The following SLC38A8 variants were observed in gnomAD, a reference collection of about 807,000 sequenced individuals.
SLC38A8 encodes the protein amino acid transporter SLC38A8.
A neutral mutation model predicts 46.0 loss-of-function variants in SLC38A8; 65 were observed. That is an observed-to-expected ratio of 1.41 (90% CI 1.16 to 1.74). SLC38A8 has a LOEUF of 1.74. Ranked by LOEUF, SLC38A8 falls within the 40% of genes most tolerant of loss-of-function variation. SLC38A8 has a pLI of 0.00. For synonymous variants in SLC38A8, 447 were observed against 243.7 expected (o/e 1.83, Z -7.77); for missense variants, 998 against 567.9 (o/e 1.76, Z -7.70).
chr16:84,031,606 A>G (rs1005548275), intron 5 of SLC38A8, among the ~76,000 whole-genome samples: 2 of 152,162 alleles, frequency 1.3e-5, no homozygotes, highest in Non-Finnish European at 2.9e-5. Flanking sequence ...GCAATAACCT[A>G]TGACCCCTAG....
Position 84,016,715 on chromosome 16 carries a change from C to A in SLC38A8, c.966G>T (p.Gln322His), listed in dbSNP as rs758105316. The change falls in exon 9 of 11, where the codon CAG (glutamine) becomes CAT (histidine). Residue 322 changes from glutamine to histidine, a missense_variant. By Grantham distance (24) the Gln-to-His change is conservative (BLOSUM62 0). Coordinates refer to ENST00000299709, the MANE Select transcript of SLC38A8 (RefSeq NM_001080442.3). ...CCAAGCAGCTCCTCCTCCAGAAGTC[C>A]TGCATCACTGACCTGGAGGCCACAG... ...IVLFLGRSVM[Q>H]DFWRRSCLGG... The A allele has an allele frequency of 1.2e-6, 2 of 1,612,418 alleles. No individual in the cohort carries two copies. Among genetic ancestry groups the A allele is most frequent in the African/African-American group, 2.7e-5 (2 of 74,900 alleles).
rs778761900 is a variant in SLC38A8 at position 84,036,860 on chromosome 16, C to A, written c.230G>T (p.Gly77Val). 1.2e-6 allele frequency: 2 copies of A among 1,613,430 alleles called. No individual in the cohort carries two copies. The highest frequency in any genetic ancestry group is 1.7e-5 in the Admixed American group (1 of 60,014). ...CTGGCCACTGACAGCAGCAGCATAG[C>A]CCAGGATGACCAGCCCGCTGATCAG... ...VFLISGLVILGYAAAVSGQAT... is the reference protein window; with the variant it reads ...VFLISGLVILVYAAAVSGQAT... The change falls in exon 3 of 11, where the codon GGC (glycine) becomes GTC (valine). Residue 77 changes from glycine to valine, a missense_variant. Transcript: ENST00000299709.
intron 6 of SLC38A8, among the ~76,000 whole-genome samples, chr16:84,026,365 T>G (rs2085164610): frequency 6.6e-6 from 1 of 152,194 alleles, no homozygotes; most frequent in African/African-American, 2.4e-5. Flanking sequence ...TAGCTGGGAT[T>G]ACAGGCCCGC....
chr16:84,023,049 A>G (rs1040748265), intron 6 of SLC38A8, among the ~76,000 whole-genome samples, 160 bp from the exon 7 acceptor site: 13 of 152,164 alleles, frequency 8.5e-5, no homozygotes, highest in African/African-American at 2.9e-4. Flanking sequence ...GTACACCCCC[A>G]ACCCCTCTTT....
chr16:84,016,432 G>T (rs12929392), intron 9 of SLC38A8, 87 bp downstream of exon 9: 2 of 1,478,350 alleles, frequency 1.4e-6, no homozygotes, highest in Non-Finnish European at 1.8e-6. Context: ...CCACCTTCCA[G>T]AACCTTGACC....
intron 2 of SLC38A8, 134 bp from the exon 3 acceptor site, chr16:84,037,034 G>C: frequency 1.2e-6 from 1 of 868,348 alleles, no homozygotes; most frequent in East Asian, 2.7e-5. Flanking sequence ...CATGGGGTTG[G>C]CAGTCTACCA....
chr16:84,019,951 G>A (rs767461045), intron 7 of SLC38A8, among the ~76,000 whole-genome samples: 1 of 152,232 alleles, frequency 6.6e-6, no homozygotes, highest in Non-Finnish European at 1.5e-5. Context: ...GCTTTGCCGG[G>A]TACAGCCCAC....
Position 84,022,842 on chromosome 16 carries a change from G to T in SLC38A8, c.738C>A (p.Ser246Arg). 1 of 1,612,144 alleles carries T rather than the reference G, an allele frequency of 6.2e-7. No homozygotes were observed. Among genetic ancestry groups the T allele is most frequent in the Non-Finnish European group, 8.5e-7 (1 of 1,179,260 alleles). ...CAGACACCAGGGCCCAGTGGGAGAG[G>T]CTCCGTTTGCGCATGCTGCAGTAGA... The part of the protein sequence containing the change: ...VSIYCSMRKR[S>R]LSHWALVSVL... Residue 246 changes from serine (S) to arginine (R), a missense_variant, in exon 7 of 11, where the codon AGC becomes AGA. Transcript: ENST00000299709.
intron 7 of SLC38A8, 70 bp from the exon 8 acceptor site, chr16:84,017,357 C>T: frequency 1.3e-6 from 2 of 1,568,038 alleles, no homozygotes; most frequent in Non-Finnish European, 1.7e-6. Flanking sequence ...CACCAACAGA[C>T]AGACAGCGCC....
chr16:84,038,344 G>C (rs1015989805), intron 2 of SLC38A8, among the ~76,000 whole-genome samples: 4 of 151,842 alleles, frequency 2.6e-5, no homozygotes, highest in South Asian at 2.1e-4. Context: ...CAGGAAAGTT[G>C]CAAGAACGTT....
intron 6 of SLC38A8, among the ~76,000 whole-genome samples, chr16:84,024,775 C>T (rs1017432272): frequency 6.6e-6 from 1 of 152,096 alleles, no homozygotes; most frequent in Non-Finnish European, 1.5e-5. Flanking sequence ...CCGCAACCTC[C>T]GCCTCCCGGG....
At chr16:84,041,901 G>A (rs2085371064) in intron 2 of SLC38A8, 68 bp downstream of exon 2, 2 of 1,424,216 alleles carry the variant, frequency 1.4e-6, no homozygotes, top group Admixed American at 2.3e-5. Context: ...AGCAATGCGA[G>A]GAACCCCACC....
intron 7 of SLC38A8, among the ~76,000 whole-genome samples, chr16:84,018,196 G>A (rs994404528): frequency 1.3e-5 from 2 of 149,528 alleles, no homozygotes; most frequent in African/African-American, 5.0e-5. Context: ...TGTATAGCAA[G>A]GATGAGCTCT....
intron 7 of SLC38A8, among the ~76,000 whole-genome samples, chr16:84,020,650 G>C (rs890031396): frequency 3.9e-5 from 6 of 152,228 alleles, no homozygotes; most frequent in African/African-American, 1.2e-4. Flanking sequence ...CCCGGGAGCA[G>C]AGACGTGAGG....
intron 5 of SLC38A8, among the ~76,000 whole-genome samples, chr16:84,030,129 A>G (rs1874442346): frequency 6.6e-6 from 1 of 152,134 alleles, no homozygotes; most frequent in Non-Finnish European, 1.5e-5. Context: ...GGAAGGGAAA[A>G]CAGACAGAGA....
intron 7 of SLC38A8, among the ~76,000 whole-genome samples, chr16:84,021,889 G>T (rs758257105): frequency 5.9e-5 from 9 of 152,252 alleles, no homozygotes; most frequent in Non-Finnish European, 1.0e-4. Context: ...CCCTGAAGTG[G>T]CGCGCAGAGT....
chr16:84,031,470 C>T (rs907042), intron 5 of SLC38A8, among the ~76,000 whole-genome samples: 1,759 of 152,328 alleles, frequency 0.012, 68 homozygotes, highest in Admixed American at 0.07. Flanking sequence ...ACGACATCCC[C>T]GCCCATGCTC....
chr16:84,028,527 A>G (rs1233432690), intron 6 of SLC38A8, among the ~76,000 whole-genome samples: 5 of 149,894 alleles, frequency 3.3e-5, no homozygotes, highest in African/African-American at 1.2e-4. Flanking sequence ...GATCCACTAC[A>G]CTCCAGCCTG....
At chr16:84,032,771 G>A (rs1367774637) in intron 4 of SLC38A8, among the ~76,000 whole-genome samples, 1 of 152,202 alleles carries the variant, frequency 6.6e-6, no homozygotes, top group Non-Finnish European at 1.5e-5. Flanking sequence ...AGAGGGAGAT[G>A]GATACTGTTT....
Sources: allele counts gnomAD v4.1 joint callset (sites outside exome capture counted in the v4.1 genomes callset), GRCh38; gene constraint gnomAD v4.1.1; transcripts MANE v1.5; gene names NCBI Gene and HGNC (gene_info 2026-07-23, HGNC 2026-07-21).